The following RGPD2 variants were observed in gnomAD, a reference collection of about 807,000 sequenced individuals.
RGPD2 encodes the protein RANBP2 like and GRIP domain containing 2.
In RGPD2, 2 loss-of-function variants were observed where a neutral mutation model predicts 36.0. The ratio of observed to expected loss-of-function variants is 0.06; its 90% CI spans 0.02 to 0.17. The LOEUF (loss-of-function observed/expected upper bound fraction) is 0.17, where lower values mean the gene tolerates loss of function less well. Among genes scored for constraint, RGPD2 ranks in the 10% least tolerant of loss-of-function variants. RGPD2 has a pLI of 1.00. For missense variants in RGPD2, 40 were observed against 464.3 expected (o/e 0.09, Z 8.40); for synonymous variants, 19 against 163.8 (o/e 0.12, Z 6.75).
the RGPD2 span, among the ~76,000 whole-genome samples, chr2:87,885,222 TG>T: frequency 6.6e-6 from 1 of 152,112 alleles, no homozygotes; most frequent in Non-Finnish European, 1.5e-5. Flanking sequence ...AAATGTGATA[TG>T]TCACATCAAC....
At chr2:87,891,074 T>TTTGTTG in the RGPD2 span, among the ~76,000 whole-genome samples, 1 of 32,790 alleles carries the variant, frequency 3.0e-5, no homozygotes, top group African/African-American at 1.3e-4. Context: ...GTTGGGGTAT[T>TTTGTTG]TTGTTGTTGT....
intron 22 of RGPD2, among the ~76,000 whole-genome samples, chr2:87,769,157 G>A (rs1459854564): frequency 2.2e-5 from 2 of 89,250 alleles, no homozygotes; most frequent in South Asian, 5.6e-4. Context: ...GAGTAGAGAC[G>A]GGGTTTCACC....
the RGPD2 span, among the ~76,000 whole-genome samples, chr2:87,927,172 T>C: frequency 7.7e-6 from 1 of 130,158 alleles, no homozygotes; most frequent in Non-Finnish European, 1.7e-5. Context: ...GATAAGAAAT[T>C]CATAAGTCCT....
At chr2:87,947,398 G>C in the RGPD2 span, among the ~76,000 whole-genome samples, 4 of 152,296 alleles carry the variant, frequency 2.6e-5, no homozygotes, top group African/African-American at 9.6e-5. Flanking sequence ...GGACTTCCTG[G>C]GTCAAGTAGG....
At chr2:87,866,903 C>T in the RGPD2 span, among the ~76,000 whole-genome samples, 18 of 151,482 alleles carry the variant, frequency 1.2e-4, no homozygotes, top group South Asian at 2.1e-4. Flanking sequence ...CGGCTTTGTC[C>T]GAGCCAGAGG....
At chr2:87,888,227 C>T in the RGPD2 span, among the ~76,000 whole-genome samples, 26 of 151,932 alleles carry the variant, frequency 1.7e-4, no homozygotes, top group East Asian at 5.0e-3. Flanking sequence ...TCCACTTCAA[C>T]TTACTGGATC....
chr2:87,921,814 A>G, the RGPD2 span, among the ~76,000 whole-genome samples: 24 of 152,276 alleles, frequency 1.6e-4, no homozygotes, highest in African/African-American at 5.3e-4. Flanking sequence ...TAGATGTAAA[A>G]TTGAAAGAGT....
the RGPD2 span, among the ~76,000 whole-genome samples, chr2:87,848,870 G>A: frequency 6.7e-6 from 1 of 149,824 alleles, no homozygotes; most frequent in African/African-American, 2.4e-5. Context: ...GTGTGTGTGT[G>A]TGTGTGTGTG....
At chr2:87,913,351 C>T in the RGPD2 span, among the ~76,000 whole-genome samples, 2 of 151,462 alleles carry the variant, frequency 1.3e-5, no homozygotes, top group Non-Finnish European at 2.9e-5. Context: ...AATGAGAACA[C>T]GTGGACACAG....
At chr2:87,827,111 A>T (rs1185643447), upstream of RGPD2, among the ~76,000 whole-genome samples, 2 of 151,894 alleles carry the variant, frequency 1.3e-5, no homozygotes, top group Non-Finnish European at 2.9e-5. Context: ...TGTCTAATTT[A>T]TCTGTATACC....
the RGPD2 span, among the ~76,000 whole-genome samples, chr2:87,868,876 A>T: frequency 6.6e-6 from 1 of 152,082 alleles, no homozygotes; most frequent in Non-Finnish European, 1.5e-5. Context: ...TATGCCACTC[A>T]TCACCACCTC....
At chr2:87,864,594 A>C in the RGPD2 span, among the ~76,000 whole-genome samples, 210 of 151,168 alleles carry the variant, frequency 1.4e-3, no homozygotes, top group African/African-American at 5.0e-3. Context: ...AGATAGATAG[A>C]TAGATAGATA....
the RGPD2 span, among the ~76,000 whole-genome samples, chr2:87,916,675 G>A: frequency 5.3e-5 from 8 of 151,844 alleles, no homozygotes; most frequent in African/African-American, 1.2e-4. Flanking sequence ...CCAGTCACGC[G>A]AAGTGGCTCA....
At chr2:87,831,485 C>T in the RGPD2 span, among the ~76,000 whole-genome samples, 1 of 151,554 alleles carries the variant, frequency 6.6e-6, no homozygotes, top group Non-Finnish European at 1.5e-5. Context: ...ACAAAGAGAA[C>T]CCCATGTATA....
chr2:87,866,320 A>G, the RGPD2 span, among the ~76,000 whole-genome samples: 12 of 152,190 alleles, frequency 7.9e-5, no homozygotes, highest in Non-Finnish European at 5.9e-5. Flanking sequence ...TTTGTCCATT[A>G]TTCATATAAT....
At chr2:87,836,650 A>C in the RGPD2 span, among the ~76,000 whole-genome samples, 4 of 151,538 alleles carry the variant, frequency 2.6e-5, no homozygotes, top group Non-Finnish European at 1.5e-5. Context: ...TGCAAGAATC[A>C]TTGACAATGT....
chr2:87,857,343 T>C, the RGPD2 span, among the ~76,000 whole-genome samples: 1 of 152,122 alleles, frequency 6.6e-6, no homozygotes, highest in Non-Finnish European at 1.5e-5. Flanking sequence ...TTAAAATATT[T>C]GTATACTTTT....
the RGPD2 span, among the ~76,000 whole-genome samples, chr2:87,986,400 T>G: frequency 6.7e-6 from 1 of 150,200 alleles, no homozygotes; most frequent in African/African-American, 2.4e-5. Context: ...CCCAAAGCAC[T>G]GGGATTACAG....
chr2:87,933,656 T>C, the RGPD2 span, among the ~76,000 whole-genome samples: 22 of 149,336 alleles, frequency 1.5e-4, no homozygotes, highest in African/African-American at 5.4e-4. Context: ...ACAGGTGGTG[T>C]TTCAGAAAGG....
Sources: gnomAD v4.1 joint callset for allele counts (sites outside exome capture counted in the v4.1 genomes callset) on GRCh38, gnomAD v4.1.1 for gene constraint, MANE v1.5 for transcripts, NCBI Gene and HGNC (gene_info 2026-07-23, HGNC 2026-07-21) for gene names.